The following SLCO6A1 variants were observed in gnomAD, a reference collection of about 807,000 sequenced individuals.
SLCO6A1 encodes the protein cancer/testis antigen 48.
SLCO6A1 carries 65 observed loss-of-function variants against 72.7 expected under a neutral mutation model. The observed-to-expected ratio is 0.89, with a 90% confidence interval of 0.73 to 1.10. The LOEUF (loss-of-function observed/expected upper bound fraction) is 1.10. Among genes scored for constraint, SLCO6A1 ranks in the 50% least tolerant of loss-of-function variants. SLCO6A1 has a pLI of 0.00. For missense variants in SLCO6A1, 874 were observed against 872.6 expected, an observed-to-expected ratio of 1.00 and a Z score of -0.02; for synonymous variants, 314 against 298.2, an observed-to-expected ratio of 1.05 and a Z score of -0.55.
At chr5:102,469,095 A>G (rs1363748383) in intron 4 of SLCO6A1, among the ~76,000 whole-genome samples, 1 of 150,590 alleles carries the variant, frequency 6.6e-6, no homozygotes, top group African/African-American at 2.4e-5. Flanking sequence ...AGGTAGCGTG[A>G]TGCCTCCAGC....
chr5:102,463,220 A>G (rs1000011545), intron 4 of SLCO6A1, among the ~76,000 whole-genome samples: 1 of 152,002 alleles, frequency 6.6e-6, no homozygotes, highest in Non-Finnish European at 1.5e-5. Flanking sequence ...ACAATGAGAT[A>G]CTACCTTACT....
At chr5:102,419,792 G>T in intron 8 of SLCO6A1, 34 bp downstream of exon 8, 6 of 1,503,658 alleles carry the variant, frequency 4.0e-6, no homozygotes, top group Non-Finnish European at 5.4e-6. Flanking sequence ...GTAGGATTTT[G>T]ATGTAAAAGT....
At chr5:102,485,279 A>AATAC (rs1752396316) in intron 1 of SLCO6A1, among the ~76,000 whole-genome samples, 1 of 125,314 alleles carries the variant, frequency 8.0e-6, no homozygotes, top group Non-Finnish European at 1.7e-5. Flanking sequence ...TAAATAAATA[A>AATAC]ATAAATAAAT....
At chr5:102,435,891 A>AAG (rs61630384) in intron 7 of SLCO6A1, among the ~76,000 whole-genome samples, 60 of 151,710 alleles carry the variant, frequency 4.0e-4, no homozygotes, top group African/African-American at 1.4e-3. Flanking sequence ...AAAAAAAAAA[A>AAG]GTTATCAGGA....
intron 9 of SLCO6A1, among the ~76,000 whole-genome samples, chr5:102,401,111 G>C (rs1178707586): frequency 1.3e-5 from 2 of 151,994 alleles, no homozygotes; most frequent in African/African-American, 4.8e-5. Context: ...TTTTGATGAT[G>C]AAGTGATATT....
intron 6 of SLCO6A1, among the ~76,000 whole-genome samples, chr5:102,448,070 ATCTTTGTTT>A (rs1264341741): frequency 6.6e-6 from 1 of 152,078 alleles, no homozygotes; most frequent in Non-Finnish European, 1.5e-5. Flanking sequence ...GGTATGTTGT[ATCTTTGTTT>A]TCATTACTTT....
intron 1 of SLCO6A1, among the ~76,000 whole-genome samples, chr5:102,496,617 T>C (rs1752921693): frequency 6.6e-6 from 1 of 152,216 alleles, no homozygotes; most frequent in African/African-American, 2.4e-5. Context: ...ACCTTTTATA[T>C]CCTTTCAGAA....
rs575198289 is a variant in SLCO6A1 at position 102,404,969 on chromosome 5, A to T, written c.1627-5227T>A. ...GTGCCTAAATTAAAAGAAAATACAC[A>T]TACCTCCATACACTGGAGGTATCTC... is the stretch of plus-strand genomic sequence containing the variant. On this transcript the variant is annotated intron_variant, in intron 9 of 13. Coordinates refer to ENST00000506729, the MANE Select transcript of SLCO6A1 (RefSeq NM_173488.5). Among the ~76,000 whole-genome samples, 529 of 152,284 alleles carry T rather than the reference A, an allele frequency of 3.5e-3. 6 individuals carry two copies. The highest frequency in any genetic ancestry group is 9.7e-3 in the Admixed American group (148 of 15,288).
At chr5:102,418,022 T>C (rs915232473) in intron 8 of SLCO6A1, among the ~76,000 whole-genome samples, 1 of 152,010 alleles carries the variant, frequency 6.6e-6, no homozygotes, top group African/African-American at 2.4e-5. Flanking sequence ...ACTTTTTTCG[T>C]CTAAAATTAT....
At chr5:102,486,550 C>T (rs1412414856) in intron 1 of SLCO6A1, among the ~76,000 whole-genome samples, 1 of 151,800 alleles carries the variant, frequency 6.6e-6, no homozygotes, top group African/African-American at 2.4e-5. Flanking sequence ...GAAAAAAAGT[C>T]CAACATTTGT....
At chr5:102,372,900 A>G (rs1159551276) in intron 13 of SLCO6A1, among the ~76,000 whole-genome samples, 1 of 151,928 alleles carries the variant, frequency 6.6e-6, no homozygotes, top group East Asian at 1.9e-4. Flanking sequence ...AAATAAATAT[A>G]ACTTTAATTT....
intron 4 of SLCO6A1, among the ~76,000 whole-genome samples, chr5:102,461,896 A>T (rs1225516334): frequency 2.0e-5 from 3 of 152,130 alleles, no homozygotes; most frequent in Non-Finnish European, 4.4e-5. Context: ...CAAGAGAAAG[A>T]AATAAAGGGC....
intron 12 of SLCO6A1, among the ~76,000 whole-genome samples, chr5:102,386,120 C>G (rs935325490): frequency 2.6e-5 from 4 of 152,182 alleles, no homozygotes; most frequent in Non-Finnish European, 5.9e-5. Context: ...TCCTTACATA[C>G]TTGACTAACC....
intron 12 of SLCO6A1, among the ~76,000 whole-genome samples, chr5:102,388,000 G>A (rs1263099890): frequency 6.6e-6 from 1 of 152,112 alleles, no homozygotes; most frequent in Non-Finnish European, 1.5e-5. Context: ...AATATTGAAA[G>A]GTTATTGTGT....
At chr5:102,465,540 G>A (rs555939707) in intron 4 of SLCO6A1, among the ~76,000 whole-genome samples, 138 of 151,956 alleles carry the variant, frequency 9.1e-4, no homozygotes, top group African/African-American at 3.2e-3. Context: ...CAAATTCTTT[G>A]TCTCAAGTAC....
At position 102,459,743 on chromosome 5, in the gene SLCO6A1, A is replaced by G. The variant is rs546930803; in HGVS notation, c.934T>C (p.Trp312Arg). Residue 312 changes from tryptophan to arginine, a missense_variant, in exon 5 of 14, where the codon TGG becomes CGG. Coordinates refer to ENST00000506729, the MANE Select transcript of SLCO6A1 (RefSeq NM_173488.5). ...TVNNGSPEWL[W>R]TWWINFLFAA... ...AAAAGAAAATTAATCCACCAAGTCCATAGCCATTCTGGACTACCATTATTG... is the reference window on the plus strand; with the variant it reads ...AAAAGAAAATTAATCCACCAAGTCCGTAGCCATTCTGGACTACCATTATTG... The G allele has an allele frequency of 2.2e-5, 35 of 1,608,922 alleles. No homozygotes were observed. The South Asian group carries it at 3.8e-4, about 17-fold the overall frequency.
chr5:102,493,755 C>CA (rs1273165341), intron 1 of SLCO6A1, among the ~76,000 whole-genome samples: 10 of 151,940 alleles, frequency 6.6e-5, no homozygotes, highest in East Asian at 1.9e-4. Flanking sequence ...AAGGAGTCTG[C>CA]AAAAAAATGA....
chr5:102,393,757 C>T (rs1023051652), intron 10 of SLCO6A1, among the ~76,000 whole-genome samples: 1 of 152,016 alleles, frequency 6.6e-6, no homozygotes, highest in African/African-American at 2.4e-5. Flanking sequence ...TTTGAATCCA[C>T]AGTGACTACC....
At chr5:102,492,495 C>A (rs1330232369) in intron 1 of SLCO6A1, among the ~76,000 whole-genome samples, 1 of 152,154 alleles carries the variant, frequency 6.6e-6, no homozygotes, top group African/African-American at 2.4e-5. Context: ...GCATTTCCAA[C>A]TGAGGTACCG....
Sources: allele counts gnomAD v4.1 joint callset (sites outside exome capture counted in the v4.1 genomes callset), GRCh38; gene constraint gnomAD v4.1.1; transcripts MANE v1.5; gene names NCBI Gene and HGNC (gene_info 2026-07-23, HGNC 2026-07-21).